The following MAMDC2 variants were observed in gnomAD, a reference collection of about 807,000 sequenced individuals.
MAMDC2 encodes the protein MAM domain-containing protein 2.
MAMDC2 carries 57 observed loss-of-function variants against 89.8 expected under a neutral mutation model. The ratio of observed to expected loss-of-function variants is 0.63; its 90% CI spans 0.51 to 0.79. The LOEUF (loss-of-function observed/expected upper bound fraction) is 0.79. MAMDC2 is among the 30% of genes least tolerant of loss of function. The pLI, the probability that MAMDC2 is intolerant of heterozygous loss-of-function variation, is 0.00. For synonymous variants in MAMDC2, 313 were observed against 293.4 expected (o/e 1.07, Z -0.68); for missense variants, 800 against 820.6 (o/e 0.97, Z 0.31).
intron 11 of MAMDC2, among the ~76,000 whole-genome samples, chr9:70,213,630 G>A (rs969931412): frequency 6.6e-6 from 1 of 152,112 alleles, no homozygotes; most frequent in Non-Finnish European, 1.5e-5. Context: ...ACCTAAGTTA[G>A]AAAATGTTAA....
At chr9:70,190,937 T>C (rs756633626) in intron 11 of MAMDC2, among the ~76,000 whole-genome samples, 38 of 152,292 alleles carry the variant, frequency 2.5e-4, no homozygotes, top group Non-Finnish European at 3.1e-4. Flanking sequence ...CCAAATCTGT[T>C]CTGTATCTTG....
intron 11 of MAMDC2, among the ~76,000 whole-genome samples, chr9:70,204,299 G>C (rs1474584531): frequency 1.3e-5 from 2 of 151,728 alleles, no homozygotes; most frequent in African/African-American, 2.4e-5. Flanking sequence ...CTGCAGGTCT[G>C]TTGGAATACC....
intron 2 of MAMDC2, among the ~76,000 whole-genome samples, chr9:70,057,595 A>G (rs1372256204): frequency 2.0e-5 from 3 of 152,228 alleles, no homozygotes; most frequent in African/African-American, 7.2e-5. Flanking sequence ...TTCCTGTCAT[A>G]AAATAAGTTT....
At chr9:70,084,914 T>C (rs1190779041) in intron 2 of MAMDC2, among the ~76,000 whole-genome samples, 1 of 152,126 alleles carries the variant, frequency 6.6e-6, no homozygotes, top group African/African-American at 2.4e-5. Context: ...TTTTTAAAAA[T>C]CATGAACTTT....
At chr9:70,195,962 G>A (rs572382310) in intron 11 of MAMDC2, among the ~76,000 whole-genome samples, 3 of 152,180 alleles carry the variant, frequency 2.0e-5, no homozygotes, top group African/African-American at 7.2e-5. Context: ...CTTGAGACTG[G>A]ATAATTTATA....
Position 70,108,416 on chromosome 9 carries a change from T to C in MAMDC2, c.354T>C (p.Ala118=). 1 of 1,613,926 alleles carries C rather than the reference T, an allele frequency of 6.2e-7. No homozygotes were observed. Among genetic ancestry groups the C allele is most frequent in the Non-Finnish European group, 8.5e-7 (1 of 1,179,934 alleles). The change falls in exon 3 of 14, where the codon GCT becomes GCC. Residue 118 remains alanine (A), a synonymous_variant. Coordinates refer to ENST00000377182, the MANE Select transcript of MAMDC2 (RefSeq NM_153267.5). ...DESFDRLLWS[A]KEPSDSWLIA... is the part of the protein sequence containing the mutation. The stretch of plus-strand genomic sequence containing the variant: ...GCTTTGATCGCTTGCTTTGGTCAGC[T>C]AAGGAACCTTCAGACAGCTGGCTCA...
rs866841043 is a variant in MAMDC2 at position 70,143,554 on chromosome 9, G to A, written c.1139G>A (p.Gly380Glu). The change falls in exon 9 of 14, where the codon GGG becomes GAG. Residue 380 changes from glycine to glutamate, a missense_variant and splice_region_variant. Gly to Glu is a moderately conservative substitution (Grantham distance 98). Transcript: ENST00000377182. ...YRAGDHTTGL[G>E]YYLLANTKFT... ...CTGATATGCTTTATCTTCTTTGCAG[G>A]GTATTACCTGCTAGCCAACACAAAG... The A allele has an allele frequency of 6.2e-7, 1 of 1,613,854 alleles. No homozygotes were observed. The highest frequency in any genetic ancestry group is 2.2e-5 in the East Asian group (1 of 44,878).
intron 2 of MAMDC2, among the ~76,000 whole-genome samples, chr9:70,093,427 T>C (rs991341526): frequency 6.6e-6 from 1 of 151,324 alleles, no homozygotes; most frequent in Non-Finnish European, 1.5e-5. Context: ...GGACAGTTTT[T>C]TTTTTTTTTT....
chr9:70,204,076 C>T (rs910973520), intron 11 of MAMDC2, among the ~76,000 whole-genome samples: 2 of 151,950 alleles, frequency 1.3e-5, no homozygotes, highest in Non-Finnish European at 2.9e-5. Flanking sequence ...ATTCTCCATC[C>T]AGCTTTGTTC....
intron 2 of MAMDC2, among the ~76,000 whole-genome samples, chr9:70,104,282 G>C (rs1828276277): frequency 6.6e-6 from 1 of 152,084 alleles, no homozygotes; most frequent in Non-Finnish European, 1.5e-5. Flanking sequence ...TTAAAAAAAA[G>C]ATGGGCAATA....
At chr9:70,159,715 A>C (rs2031898927) in intron 9 of MAMDC2, among the ~76,000 whole-genome samples, 1 of 152,266 alleles carries the variant, frequency 6.6e-6, no homozygotes, top group Non-Finnish European at 1.5e-5. Flanking sequence ...AGTGAGCCAC[A>C]ACAATGACTC....
intron 3 of MAMDC2, 56 bp downstream of exon 3, chr9:70,108,538 C>T (rs889181977): frequency 6.9e-7 from 1 of 1,457,822 alleles, no homozygotes; most frequent in Non-Finnish European, 9.1e-7. Flanking sequence ...TTATACTATT[C>T]TAAAATCTTA....
In MAMDC2 at chr9:70,113,009, G is replaced by A; in HGVS notation, c.520G>A (p.Glu174Lys). ...CCCTTCCCCAGAATGTGACTTTGAA[G>A]AAAATCATCTCTGTGGCTTTGTGAA... ...TGYCIECDFE[E>K]NHLCGFVNRW... The change falls in exon 5 of 14, where the codon GAA becomes AAA. Residue 174 changes from glutamate to lysine, a missense_variant. Transcript: ENST00000377182. 1 of 1,614,122 alleles carries A rather than the reference G, an allele frequency of 6.2e-7. No individual in the cohort carries two copies. Among genetic ancestry groups the A allele is most frequent in the South Asian group, 1.1e-5 (1 of 91,076 alleles).
At chr9:70,049,629 A>C (rs754339230) in intron 2 of MAMDC2, among the ~76,000 whole-genome samples, 37 of 152,190 alleles carry the variant, frequency 2.4e-4, no homozygotes, top group Non-Finnish European at 5.0e-4. Context: ...TTGTTCTTAG[A>C]GCTCTCTAAG....
chr9:70,104,652 T>C (rs1828285507), intron 2 of MAMDC2, among the ~76,000 whole-genome samples: 1 of 152,188 alleles, frequency 6.6e-6, no homozygotes. Context: ...TGGATGAACC[T>C]TGAAAATATG....
At chr9:70,214,459 G>A (rs2033409642) in intron 11 of MAMDC2, among the ~76,000 whole-genome samples, 1 of 152,232 alleles carries the variant, frequency 6.6e-6, no homozygotes, top group South Asian at 2.1e-4. Context: ...CAGTAGGAAT[G>A]AGACAGGTAA....
chr9:70,214,811 C>T (rs2033415355), intron 11 of MAMDC2, among the ~76,000 whole-genome samples: 1 of 152,072 alleles, frequency 6.6e-6, no homozygotes, highest in Admixed American at 6.6e-5. Flanking sequence ...TGTGGAGAAT[C>T]AGAAAAAGAG....
rs143465050 is a variant in MAMDC2, at chr9:70,116,136, G to A, written c.643+3004G>A. ...CTTTTCCCAAATCATTTAAAAATTC[G>A]TTCCAAAGTCAAACCCTGTGGGTAA... On this transcript the variant is annotated intron_variant, in intron 5 of 13. Transcript: ENST00000377182. Among the ~76,000 whole-genome samples the A allele has an allele frequency of 7.6e-4, 116 of 152,282 alleles. 2 individuals carry two copies. The East Asian group carries it at 0.021, about 28-fold the overall frequency.
intron 2 of MAMDC2, among the ~76,000 whole-genome samples, chr9:70,063,582 A>T (rs1827198003): frequency 6.6e-6 from 1 of 152,236 alleles, no homozygotes; most frequent in Non-Finnish European, 1.5e-5. Flanking sequence ...AAGTATTTAG[A>T]TAGACATCTT....
Sources: gnomAD v4.1 joint callset for allele counts (sites outside exome capture counted in the v4.1 genomes callset) on GRCh38, gnomAD v4.1.1 for gene constraint, MANE v1.5 for transcripts, NCBI Gene and HGNC (gene_info 2026-07-23, HGNC 2026-07-21) for gene names.